Variants in NAA60 observed in about 807,000 individuals in gnomAD.
NAA60 encodes the protein N-alpha-acetyltransferase 60.
NAA60 carries 8 observed loss-of-function variants against 26.1 expected under a neutral mutation model. The ratio of observed to expected loss-of-function variants is 0.31; its 90% CI spans 0.18 to 0.55. The LOEUF (loss-of-function observed/expected upper bound fraction) is 0.55, where lower values mean the gene tolerates loss of function less well. Among genes scored for constraint, NAA60 ranks in the 20% least tolerant of loss-of-function variants. The pLI is 0.93. For synonymous variants in NAA60, 131 were observed against 122.5 expected, an observed-to-expected ratio of 1.07 and a Z score of -0.46; for missense variants, 290 against 311.3, an observed-to-expected ratio of 0.93 and a Z score of 0.51.
intron 5 of NAA60, 100 bp from the exon 6 acceptor site, chr16:3,483,263 G>A (rs1366537156): frequency 1.6e-5 from 14 of 870,262 alleles, no homozygotes; most frequent in East Asian, 2.6e-5. Flanking sequence ...ACGGTGGGCC[G>A]AGACATCTCC....
intron 2 of NAA60, among the ~76,000 whole-genome samples, chr16:3,466,377 T>C (rs2035763526): frequency 1.3e-5 from 2 of 152,220 alleles, no homozygotes; most frequent in South Asian, 2.1e-4. Flanking sequence ...TCTGACACTT[T>C]GGAAGAAGCC....
rs545523907 is a variant in NAA60 at position 3,462,082 on chromosome 16, A to G, written c.-7+13542A>G. ...AGCCGGAGTGATAGAGCCAGACCTTATATCAAAAAAAAAAAAAAAAAAACC... is the reference window on the plus strand; with the variant it reads ...AGCCGGAGTGATAGAGCCAGACCTTGTATCAAAAAAAAAAAAAAAAAAACC... On this transcript the variant is annotated intron_variant, in intron 2 of 7. Coordinates refer to ENST00000407558, the MANE Select transcript of NAA60 (RefSeq NM_001083601.3). 4.1e-5 allele frequency among the ~76,000 whole-genome samples: 6 copies of G among 147,290 alleles called. No individual in the cohort carries two copies. The South Asian group carries it at 1.3e-3, about 32-fold the overall frequency.
chr16:3,477,145 A>G lies in NAA60; in HGVS notation c.110+808A>G, dbSNP rs549059290. Among the ~76,000 whole-genome samples the G allele has an allele frequency of 3.5e-4, 53 of 152,334 alleles. 1 individual carries two copies. The South Asian group carries it at 6.2e-3, about 18-fold the overall frequency. The stretch of plus-strand genomic sequence containing the variant: ...AAACATGTACAAGATAAAATTTTAT[A>G]ATGATAGGTATGAACTGAGCGGGGG... On this transcript the variant is annotated intron_variant, in intron 3 of 7. Coordinates refer to ENST00000407558, the MANE Select transcript of NAA60 (RefSeq NM_001083601.3).
At chr16:3,481,883 C>G (rs370616460) in intron 4 of NAA60, among the ~76,000 whole-genome samples, 4 of 152,114 alleles carry the variant, frequency 2.6e-5, no homozygotes, top group Admixed American at 1.3e-4. Context: ...TTGTTCTTTA[C>G]GAGTTGGAAG....
chr16:3,456,381 C>A (rs1334710343), intron 2 of NAA60, among the ~76,000 whole-genome samples: 2 of 152,158 alleles, frequency 1.3e-5, no homozygotes, highest in African/African-American at 4.8e-5. Flanking sequence ...ATTGGGCTCC[C>A]CACGGCATCC....
intron 2 of NAA60, chr16:3,467,819 C>G (rs77459543): frequency 7.5e-4 from 114 of 152,190 alleles, no homozygotes; most frequent in African/African-American, 2.6e-3. Context: ...CAGTTGTTAC[C>G]GATGGAGGGT....
In NAA60 at chr16:3,476,212, T is replaced by C; in HGVS notation, c.-6-10T>C. On this transcript the variant is annotated splice_polypyrimidine_tract_variant and intron_variant, in intron 2 of 7. Coordinates refer to ENST00000407558, the MANE Select transcript of NAA60 (RefSeq NM_001083601.3). ...GTGAGGTGACGCGTCCCCCCCACCC[T>C]TCCCCACAGGTGTGAATGACAGAGG... 3.4e-4 allele frequency: 272 copies of C among 791,462 alleles called. No homozygotes were observed. Among genetic ancestry groups the C allele is most frequent in the Non-Finnish European group, 4.9e-4 (242 of 492,656 alleles). The allele number at this position is 791,462 out of a possible 1,614,324, so 49.0% of individuals were successfully genotyped here. A position where few individuals can be genotyped will look rare whatever the true frequency, so the allele number is the denominator to read the frequency against.
chr16:3,463,758 C>G (rs941307932), intron 2 of NAA60, among the ~76,000 whole-genome samples: 14 of 151,634 alleles, frequency 9.2e-5, no homozygotes, highest in South Asian at 2.1e-4. Flanking sequence ...GTAATCCTAG[C>G]TATTTGGGAG....
Position 3,485,766 on chromosome 16 carries a change from C to T in NAA60, c.*506C>T. ...GGAATGGCCCGTCCCCTTCCAGAAC[C>T]AGCCCAAAGAAGCCTGGGGGGTGAG... On this transcript the variant is annotated 3_prime_UTR_variant, in exon 8 of 8. Coordinates refer to ENST00000407558, the MANE Select transcript of NAA60 (RefSeq NM_001083601.3). The T allele has an allele frequency of 2.3e-6, 1 of 436,568 alleles. No individual in the cohort carries two copies. The highest frequency in any genetic ancestry group is 4.7e-6 in the Non-Finnish European group (1 of 214,616). 27.0% of individuals were successfully genotyped at this position (436,568 alleles called of 1,614,324 possible). A position where few individuals can be genotyped will look rare whatever the true frequency, so the allele number is the denominator to read the frequency against.
At chr16:3,458,012 A>G (rs17525883) in intron 2 of NAA60, 31 of 985,126 alleles carry the variant, frequency 3.1e-5, no homozygotes, top group Non-Finnish European at 3.7e-5. Context: ...CGCTGCCGGC[A>G]GGGAGCGGGA....
In NAA60 at chr16:3,452,757, C is replaced by G. The variant is rs146904355; in HGVS notation, c.-7+4217C>G. On this transcript the variant is annotated intron_variant, in intron 2 of 7. Coordinates refer to ENST00000407558, the MANE Select transcript of NAA60 (RefSeq NM_001083601.3). ...GCTCACTTGCACCAGGAGTTCGAGA[C>G]CAGCCTGGGCAACATAGTGAGACTC... is the stretch of plus-strand genomic sequence containing the variant. Among the ~76,000 whole-genome samples the G allele has an allele frequency of 1.1e-3, 168 of 152,092 alleles. 1 individual carries two copies. Among genetic ancestry groups the G allele is most frequent in the African/African-American group, 3.8e-3 (157 of 41,480 alleles).
chr16:3,482,616 C>T lies in NAA60; in HGVS notation c.337+18C>T, dbSNP rs376047419. 110 of 1,554,352 alleles carry T rather than the reference C, an allele frequency of 7.1e-5. No individual in the cohort carries two copies. In the African/African-American group the frequency reaches 7.3e-4, roughly 10 times the overall value. The stretch of plus-strand genomic sequence containing the variant: ...CGGCATAGGTAAGGGCAGCCGGGCC[C>T]GCGGCTTGGCGCCCACCCCACCCCC... On this transcript the variant is annotated intron_variant, in intron 5 of 7. Coordinates refer to ENST00000407558, the MANE Select transcript of NAA60 (RefSeq NM_001083601.3).
intron 3 of NAA60, among the ~76,000 whole-genome samples, 182 bp from the exon 4 acceptor site, chr16:3,479,289 C>G (rs1276875754): frequency 2.6e-5 from 4 of 152,182 alleles, no homozygotes; most frequent in African/African-American, 4.8e-5. Flanking sequence ...CTAGACAGAT[C>G]ACTGCTTTAA....
intron 5 of NAA60, chr16:3,482,810 T>G (rs1432982476): frequency 1.7e-6 from 1 of 599,892 alleles, no homozygotes; most frequent in African/African-American, 1.8e-5. Context: ...CCATCCTCTT[T>G]CCACATGCCC....
chr16:3,459,482 A>C (rs1280225402), intron 2 of NAA60, among the ~76,000 whole-genome samples: 3 of 152,212 alleles, frequency 2.0e-5, no homozygotes, highest in African/African-American at 7.2e-5. Context: ...CTCGAGGGAG[A>C]CTGCTGTATA....
chr16:3,467,470 G>C (rs2035841637), intron 2 of NAA60, among the ~76,000 whole-genome samples: 1 of 152,150 alleles, frequency 6.6e-6, no homozygotes, highest in African/African-American at 2.4e-5. Context: ...ATGACTTGTT[G>C]GTCTTGAAGC....
In NAA60 at chr16:3,485,894, G is replaced by C; in HGVS notation, c.*634G>C. 2.8e-6 allele frequency: 1 copy of C among 354,538 alleles called. No homozygotes were observed. 22.0% of individuals were successfully genotyped at this position (354,538 alleles called of 1,614,324 possible). A position where few individuals can be genotyped will look rare whatever the true frequency, so the allele number is the denominator to read the frequency against. ...TCTGAGGCTCAGCCCCCTGGCACAG[G>C]CGGTCACGCATCAGGACGGTTCCTA... On this transcript the variant is annotated 3_prime_UTR_variant, in exon 8 of 8. Transcript: ENST00000407558.
At chr16:3,450,269 T>C (rs562145009) in intron 2 of NAA60, 8 of 300,832 alleles carry the variant, frequency 2.7e-5, no homozygotes, top group African/African-American at 1.7e-4. Flanking sequence ...GAGCAGAGGC[T>C]GGTCAGCAAG....
intron 2 of NAA60, among the ~76,000 whole-genome samples, chr16:3,452,327 T>C (rs922126588): frequency 6.6e-6 from 1 of 152,164 alleles, no homozygotes; most frequent in African/African-American, 2.4e-5. Context: ...GGTAAAACTT[T>C]CTGGCAGGCA....
Sources: gnomAD v4.1 joint callset for allele counts (sites outside exome capture counted in the v4.1 genomes callset) on GRCh38, gnomAD v4.1.1 for gene constraint, MANE v1.5 for transcripts, NCBI Gene and HGNC (gene_info 2026-07-23, HGNC 2026-07-21) for gene names.